SLC30A10: variants seen among roughly 807,000 people sequenced by gnomAD.
SLC30A10 encodes calcium/manganese antiporter SLC30A10.
A neutral mutation model predicts 21.7 loss-of-function variants in SLC30A10; 8 were observed. The observed-to-expected ratio is 0.37, with a 90% CI of 0.22 to 0.67. The LOEUF (loss-of-function observed/expected upper bound fraction) is 0.67, where lower values mean the gene tolerates loss of function less well. Ranked by LOEUF, SLC30A10 falls within the 30% of genes least tolerant of loss-of-function variation. The pLI, the probability that SLC30A10 is intolerant of heterozygous loss-of-function variation, is 0.58. For missense variants in SLC30A10, 521 were observed against 642.5 expected, an observed-to-expected ratio of 0.81 and a Z score of 2.04; for synonymous variants, 272 against 279.4, an observed-to-expected ratio of 0.97 and a Z score of 0.26.
At chr1:219,954,724 C>T (rs900891622) in intron 1 of SLC30A10, among the ~76,000 whole-genome samples, 8 of 146,666 alleles carry the variant, frequency 5.5e-5, no homozygotes, top group Admixed American at 3.4e-4. Flanking sequence ...AAAGGAAAGG[C>T]ATTTTTTTAA....
chr1:219,953,868 G>A (rs1181333993), intron 1 of SLC30A10, among the ~76,000 whole-genome samples: 4 of 151,290 alleles, frequency 2.6e-5, no homozygotes, highest in Admixed American at 6.6e-5. Flanking sequence ...CACCACGCCC[G>A]GCTAATTTTT....
chr1:219,918,527 GCAA>G lies in SLC30A10; in HGVS notation c.719-36_719-34del. 6.5e-7 allele frequency: 1 copy of G among 1,540,786 alleles called. No homozygotes were observed. Among genetic ancestry groups the G allele is most frequent in the South Asian group, 1.3e-5 (1 of 78,958 alleles). On this transcript the variant is annotated intron_variant, in intron 2 of 3. Transcript: ENST00000366926. The surrounding 1 kb of genome is among the most constrained non-coding windows in gnomAD (Gnocchi z 4.4). The stretch of plus-strand genomic sequence containing the variant: ...GAAGAAAGACTACTGCAGCACAGAT[GCAA>G]ATCTGGAAGCCACGTGACACTCACT...
At chr1:219,952,922 G>A (rs1014506167) in intron 1 of SLC30A10, among the ~76,000 whole-genome samples, 4 of 152,008 alleles carry the variant, frequency 2.6e-5, no homozygotes, top group East Asian at 1.9e-4. Flanking sequence ...TTTACTCCCC[G>A]TAACTAATCC....
Position 219,927,795 on chromosome 1 carries a change from AG to A in SLC30A10, c.640+5del. The A allele has an allele frequency of 6.5e-7, 1 of 1,534,228 alleles. No individual in the cohort carries two copies. The highest frequency in any genetic ancestry group is 8.8e-7 in the Non-Finnish European group (1 of 1,141,496). ...AAGCGGTCCAAAGGATGCAACCGAA[AG>A]GCACCTGCTACGTTTGCGAACACGG... On this transcript the variant is annotated splice_donor_5th_base_variant and intron_variant, in intron 1 of 3. Coordinates refer to ENST00000366926, the MANE Select transcript of SLC30A10 (RefSeq NM_018713.3).
At chr1:219,944,885 A>G (rs1461932699) in intron 1 of SLC30A10, among the ~76,000 whole-genome samples, 2 of 152,210 alleles carry the variant, frequency 1.3e-5, no homozygotes. Flanking sequence ...ACCTTCAATA[A>G]TTGCGTAAAT....
chr1:219,934,168 G>C (rs566455892), intron 1 of SLC30A10, among the ~76,000 whole-genome samples: 11 of 152,124 alleles, frequency 7.2e-5, no homozygotes, highest in African/African-American at 2.7e-4. Flanking sequence ...GGCACCTGTA[G>C]TGCCAGCTAC....
chr1:219,938,949 T>G (rs1660081348), intron 1 of SLC30A10, among the ~76,000 whole-genome samples: 1 of 152,194 alleles, frequency 6.6e-6, no homozygotes, highest in African/African-American at 2.4e-5. Flanking sequence ...AATGCTGCTG[T>G]CGTAGCTATG....
intron 1 of SLC30A10, among the ~76,000 whole-genome samples, chr1:219,948,686 A>C (rs56080234): frequency 0.29 from 43,404 of 152,048 alleles, 6,795 homozygotes; most frequent in East Asian, 0.4. Flanking sequence ...CATTACCATT[A>C]AGGACATAGG....
Position 219,910,839 on chromosome 1 carries a change from C to T in SLC30A10, c.*4610G>A, listed in dbSNP as rs941117942. Reference sequence around the variant, plus strand: ...AAAGTTCCATGTAAACAAAAAGGTACGAAATAAAACACATGAAAAGAGAAG... The same window carrying T: ...AAAGTTCCATGTAAACAAAAAGGTATGAAATAAAACACATGAAAAGAGAAG... On this transcript the variant is annotated 3_prime_UTR_variant, in exon 4 of 4. Coordinates refer to ENST00000366926, the MANE Select transcript of SLC30A10 (RefSeq NM_018713.3). Among the ~76,000 whole-genome samples the T allele has an allele frequency of 3.3e-5, 5 of 152,018 alleles. No individual in the cohort carries two copies. The highest frequency in any genetic ancestry group is 7.4e-5 in the Non-Finnish European group (5 of 67,998).
intron 2 of SLC30A10, among the ~76,000 whole-genome samples, chr1:219,922,140 A>T (rs1659698640): frequency 9.6e-6 from 1 of 104,260 alleles, no homozygotes. Flanking sequence ...TTTTAAAAGA[A>T]TTTTTTTACC....
chr1:219,947,897 AG>A (rs1558260678), intron 1 of SLC30A10, among the ~76,000 whole-genome samples: 2 of 152,096 alleles, frequency 1.3e-5, no homozygotes, highest in Non-Finnish European at 2.9e-5. Context: ...TAAGCTGATA[AG>A]CAACTTCAGC....
chr1:219,942,458 GC>G (rs1660135053), intron 1 of SLC30A10, among the ~76,000 whole-genome samples: 1 of 152,184 alleles, frequency 6.6e-6, no homozygotes, highest in Non-Finnish European at 1.5e-5. Context: ...TGCCCCAAAG[GC>G]GACAACAAGG....
At chr1:219,920,426 C>T (rs1571793876) in intron 2 of SLC30A10, among the ~76,000 whole-genome samples, 1 of 152,158 alleles carries the variant, frequency 6.6e-6, no homozygotes, top group African/African-American at 2.4e-5. Flanking sequence ...CTGCGTGAGA[C>T]AGTCTGTTAT....
intron 2 of SLC30A10, among the ~76,000 whole-genome samples, chr1:219,922,186 T>G (rs796600021): frequency 0.46 from 16,444 of 35,614 alleles, 1,702 homozygotes; most frequent in East Asian, 0.48. Context: ...GTTTTTTTTT[T>G]TTTTTTTTTT....
At position 219,928,232 on chromosome 1, in the gene SLC30A10, G is replaced by T. The variant is rs1659896186; in HGVS notation, c.209C>A (p.Ala70Asp). The T allele has an allele frequency of 3.8e-6, 6 of 1,570,028 alleles. No homozygotes were observed. In the Admixed American group the frequency reaches 5.7e-5, roughly 15 times the overall value. ...IARRPTRGFS[A>D]TYGYARAEVV... The stretch of plus-strand genomic sequence containing the variant: ...CTCGGCGCGGGCGTAGCCGTAGGTG[G>T]CGCTGAAGCCCCGGGTGGGGCGCCG... Residue 70 changes from alanine to aspartate, a missense_variant, in exon 1 of 4, where the codon GCC becomes GAC. By Grantham distance (126) the Ala-to-Asp change is moderately radical (BLOSUM62 -2). Coordinates refer to ENST00000366926, the MANE Select transcript of SLC30A10 (RefSeq NM_018713.3). The surrounding 1 kb of genome is among the most constrained non-coding windows in gnomAD (Gnocchi z 6.3).
rs114317174 is a variant in SLC30A10 at position 219,933,742 on chromosome 1, G to A, written n.81-6637C>T. 1.5e-3 allele frequency among the ~76,000 whole-genome samples: 233 copies of A among 152,290 alleles called. 1 individual carries two copies. The highest frequency in any genetic ancestry group is 5.4e-3 in the African/African-American group (226 of 41,548). ...AATATTTTCCTTCACCAAAGGATTC[G>A]CTAAGGATTACTTTTAGAGAAAATA... On this transcript the variant is annotated intron_variant and non_coding_transcript_variant, in intron 1 of 8. Transcript: ENST00000484239.
At position 219,913,807 on chromosome 1, in the gene SLC30A10, G is replaced by A. The variant is rs562598991; in HGVS notation, c.*1642C>T. ...GGAATAAAGAATTTCCTGGCCAGGT[G>A]CAGTGGCTCATGACTGTTCTCCCAG... On this transcript the variant is annotated 3_prime_UTR_variant, in exon 4 of 4. Coordinates refer to ENST00000366926, the MANE Select transcript of SLC30A10 (RefSeq NM_018713.3). 5 of 152,274 alleles carry A rather than the reference G, an allele frequency of 3.3e-5. No homozygotes were observed. Among genetic ancestry groups the A allele is most frequent in the African/African-American group, 1.2e-4 (5 of 41,554 alleles). The allele number at this position is 152,274 out of a possible 1,614,324, so 9.4% of individuals were successfully genotyped here.
At chr1:219,929,742 G>A (rs1403739793), upstream of SLC30A10, among the ~76,000 whole-genome samples, 1 of 152,032 alleles carries the variant, frequency 6.6e-6, no homozygotes, top group African/African-American at 2.4e-5. Context: ...GGCTGGTCTC[G>A]AACTCCTGAC....
intron 2 of SLC30A10, among the ~76,000 whole-genome samples, chr1:219,919,724 C>G (rs768428469): frequency 2.0e-5 from 3 of 149,486 alleles, no homozygotes; most frequent in Non-Finnish European, 4.4e-5. Flanking sequence ...TGCAGTGAGC[C>G]GAGATAGTGC....
Sources: gnomAD v4.1 joint callset for allele counts (sites outside exome capture counted in the v4.1 genomes callset) on GRCh38, gnomAD v4.1.1 for gene constraint, Gnocchi (gnomAD v3.1) non-coding constraint, MANE v1.5 for transcripts, NCBI Gene and HGNC (gene_info 2026-07-23, HGNC 2026-07-21) for gene names.